The following CFAP418 variants were observed in gnomAD, a reference collection of about 807,000 sequenced individuals.
CFAP418 encodes the protein cilia and flagella associated protein 418, also known as cilia- and flagella-associated protein 418.
In CFAP418, 27 loss-of-function variants were observed where a neutral mutation model predicts 24.7. The ratio of observed to expected loss-of-function variants is 1.09; its 90% CI spans 0.81 to 1.51. CFAP418 has a LOEUF of 1.51. CFAP418 is among the 40% of genes most tolerant of loss of function. The probability of loss-of-function intolerance (pLI) is 0.00; values close to 1 mark genes in which losing one functional copy is unlikely to be tolerated. For missense variants in CFAP418, 257 were observed against 255.2 expected (o/e 1.01, Z -0.05); for synonymous variants, 74 against 87.3 (o/e 0.85, Z 0.85).
At position 95,263,698 on chromosome 8, in the gene CFAP418, T is replaced by C. The variant is rs754238230; in HGVS notation, c.232A>G (p.Lys78Glu). Residue 78 changes from lysine (K) to glutamate (E), a missense_variant, in exon 2 of 6, where the codon AAA (lysine) becomes GAA (glutamate). Transcript: ENST00000286688. ...NEILEEPNLD[K>E]KPSKLKSKSS... ...AACACTTGACTTACAGAGGGTTTTT[T>C]GTCCAAGTTGGGCTCTTCAAGTATT... 6.3e-6 allele frequency: 10 copies of C among 1,598,668 alleles called. No homozygotes were observed. The highest frequency in any genetic ancestry group is 8.6e-6 in the Non-Finnish European group (10 of 1,166,898).
chr8:95,252,039 T>C, intron 5 of CFAP418, 149 bp downstream of exon 5: 1 of 594,552 alleles, frequency 1.7e-6, no homozygotes, highest in Non-Finnish European at 3.0e-6. Context: ...CAGTCCATCG[T>C]TGACTGAAGC....
chr8:95,262,961 C>T (rs1811918038), intron 2 of CFAP418, among the ~76,000 whole-genome samples: 1 of 152,088 alleles, frequency 6.6e-6, no homozygotes, highest in African/African-American at 2.4e-5. Context: ...CAGAGTTATA[C>T]AATGGACTAC....
intron 4 of CFAP418, among the ~76,000 whole-genome samples, chr8:95,258,313 C>T (rs1267521820): frequency 1.5e-5 from 2 of 137,680 alleles, no homozygotes; most frequent in Non-Finnish European, 3.0e-5. Context: ...ACCTGGGAGG[C>T]GGAGCTTGCA....
chr8:95,264,142 C>T (rs1380088085), intron 1 of CFAP418, among the ~76,000 whole-genome samples: 5 of 152,078 alleles, frequency 3.3e-5, no homozygotes, highest in African/African-American at 4.8e-5. Context: ...ATAATTTTAA[C>T]GAGTCTTCCT....
In CFAP418 at chr8:95,247,504, C is replaced by T; in HGVS notation, c.*113G>A. 8.0e-7 allele frequency: 1 copy of T among 1,245,490 alleles called. No individual in the cohort carries two copies. The highest frequency in any genetic ancestry group is 1.1e-6 in the Non-Finnish European group (1 of 877,844). The allele number at this position is 1,245,490 out of a possible 1,614,324, so 77.2% of individuals were successfully genotyped here. On this transcript the variant is annotated 3_prime_UTR_variant, in exon 6 of 6. Coordinates refer to ENST00000286688, the MANE Select transcript of CFAP418 (RefSeq NM_177965.4). ...TGTATGTAGTTGTATCAATAAAATT[C>T]ACTGCCTTTTCCCACAGGGAATGGT...
intron 2 of CFAP418, among the ~76,000 whole-genome samples, chr8:95,261,972 C>T (rs956182672): frequency 6.6e-6 from 1 of 152,204 alleles, no homozygotes; most frequent in African/African-American, 2.4e-5. Context: ...AGTGCTTATG[C>T]ACTTACTCAG....
chr8:95,248,012 A>C (rs1811651743), intron 5 of CFAP418, among the ~76,000 whole-genome samples: 2 of 151,954 alleles, frequency 1.3e-5, no homozygotes, highest in Non-Finnish European at 2.9e-5. Flanking sequence ...CGGCTTAAAA[A>C]ATTTTTTTTT....
intron 3 of CFAP418, 135 bp downstream of exon 3, chr8:95,260,333 G>T: frequency 1.6e-6 from 1 of 618,128 alleles, no homozygotes; most frequent in Non-Finnish European, 2.8e-6. Context: ...ATTGCTATTG[G>T]TCTTTCTCCT....
intron 5 of CFAP418, among the ~76,000 whole-genome samples, chr8:95,250,528 A>AC (rs1360318768): frequency 6.6e-6 from 1 of 152,222 alleles, no homozygotes; most frequent in African/African-American, 2.4e-5. Flanking sequence ...TGATAGTTTT[A>AC]TAAAAATTCA....
At chr8:95,266,446 T>C (rs557035367) in intron 1 of CFAP418, among the ~76,000 whole-genome samples, 8 of 152,328 alleles carry the variant, frequency 5.3e-5, no homozygotes, top group African/African-American at 1.9e-4. Context: ...TGTAGCATGG[T>C]CATTTATAGT....
intron 4 of CFAP418, among the ~76,000 whole-genome samples, chr8:95,258,044 C>A (rs985561054): frequency 1.3e-5 from 2 of 152,014 alleles, no homozygotes; most frequent in Non-Finnish European, 2.9e-5. Flanking sequence ...TAGGCCCAGG[C>A]TAATGTGAGT....
chr8:95,254,277 C>T (rs1811753936), intron 4 of CFAP418, among the ~76,000 whole-genome samples: 1 of 152,196 alleles, frequency 6.6e-6, no homozygotes, highest in African/African-American at 2.4e-5. Flanking sequence ...CCCTTTTCCA[C>T]CAACAAGTGA....
At chr8:95,248,462 T>A (rs1811660074) in intron 5 of CFAP418, among the ~76,000 whole-genome samples, 1 of 152,196 alleles carries the variant, frequency 6.6e-6, no homozygotes, top group African/African-American at 2.4e-5. Context: ...ATTAGAGGCA[T>A]AAAGATCATA....
In CFAP418 at chr8:95,247,326, T is replaced by C. The variant is rs1179800884; in HGVS notation, c.*291A>G. On this transcript the variant is annotated 3_prime_UTR_variant, in exon 6 of 6. Transcript: ENST00000286688. ...CAGTTGCTAATGAAAAACTAGATAT[T>C]TGTATGGAACTCCATAATCAAACCT... 2.9e-6 allele frequency: 1 copy of C among 349,924 alleles called. No homozygotes were observed. The highest frequency in any genetic ancestry group is 2.1e-5 in the African/African-American group (1 of 46,778). 21.7% of individuals were successfully genotyped at this position (349,924 alleles called of 1,614,324 possible).
chr8:95,269,039 G>A lies in CFAP418; in HGVS notation c.151C>T (p.Leu51Phe), dbSNP rs2132171150. 6.2e-7 allele frequency: 1 copy of A among 1,614,028 alleles called. No individual in the cohort carries two copies. ...DRNQAKAKET[L>F]RSTETFKKED... is the part of the protein sequence containing the mutation. The stretch of plus-strand genomic sequence containing the variant: ...CACCCCTCCCGCCCGGTTAACCTGA[G>A]CGTCTCTTTCGCCTTGGCTTGGTTC... The change falls in exon 1 of 6, where the codon CTC becomes TTC. Residue 51 changes from leucine (L) to phenylalanine (F), a missense_variant. Physicochemically the swap from Leu to Phe is conservative, Grantham distance 22. Transcript: ENST00000286688.
intron 1 of CFAP418, among the ~76,000 whole-genome samples, chr8:95,267,876 G>GTT (rs560663569): frequency 6.6e-5 from 9 of 137,240 alleles, no homozygotes; most frequent in African/African-American, 1.6e-4. Context: ...CAAACATTTT[G>GTT]TTTTTTTTTT....
Position 95,252,214 on chromosome 8 carries a change from G to A in CFAP418, c.444C>T (p.Asp148=), listed in dbSNP as rs777161821. ...LVVSYDDYMW[D]KSCDYLFFRN... ...TGAAAAACAGATAATCACACGATTT[G>A]TCCCACATATAGTCATCATAGCTGA... Residue 148 remains aspartate, a synonymous_variant, in exon 5 of 6, where the codon GAC becomes GAT. Transcript: ENST00000286688. 1.9e-6 allele frequency: 3 copies of A among 1,613,046 alleles called. No individual in the cohort carries two copies. The Admixed American group carries it at 5.0e-5, about 27-fold the overall frequency.
rs557198967 is a variant in CFAP418, at chr8:95,267,575, C to T, written c.155+1460G>A. ...CTGCACTCCAGCCTGGGCGACAGAG[C>T]GAAACTCAAAAATAAATAAATAAGT... On this transcript the variant is annotated intron_variant, in intron 1 of 5. Coordinates refer to ENST00000286688, the MANE Select transcript of CFAP418 (RefSeq NM_177965.4). Among the ~76,000 whole-genome samples the T allele has an allele frequency of 9.2e-5, 14 of 151,984 alleles. No homozygotes were observed. In the East Asian group the frequency reaches 2.5e-3, roughly 27 times the overall value.
At chr8:95,257,447 C>T (rs913678925) in intron 4 of CFAP418, among the ~76,000 whole-genome samples, 1 of 152,134 alleles carries the variant, frequency 6.6e-6, no homozygotes, top group Non-Finnish European at 1.5e-5. Flanking sequence ...GTCCTATAGC[C>T]CTACCTTCTG....
Sources: gnomAD v4.1 joint callset for allele counts (sites outside exome capture counted in the v4.1 genomes callset) on GRCh38, gnomAD v4.1.1 for gene constraint, MANE v1.5 for transcripts, NCBI Gene and HGNC (gene_info 2026-07-23, HGNC 2026-07-21) for gene names.